PLXDC2: variants seen among roughly 807,000 people sequenced by gnomAD.
PLXDC2 encodes the protein plexin domain containing 2.
In PLXDC2, 40 loss-of-function variants were observed where a neutral mutation model predicts 68.9. That is an observed-to-expected ratio of 0.58 (90% CI 0.45 to 0.76). The LOEUF (loss-of-function observed/expected upper bound fraction) is 0.76, where lower values mean the gene tolerates loss of function less well. Ranked by LOEUF, PLXDC2 falls within the 30% of genes least tolerant of loss-of-function variation. PLXDC2 has a pLI of 0.00. For missense variants in PLXDC2, 644 were observed against 661.9 expected, an observed-to-expected ratio of 0.97 and a Z score of 0.30; for synonymous variants, 243 against 234.2, an observed-to-expected ratio of 1.04 and a Z score of -0.34.
At chr10:19,927,713 C>CAAAAAAAAAAAAAAAAAAAAAAAAA (rs35250324) in intron 1 of PLXDC2, among the ~76,000 whole-genome samples, 1 of 53,144 alleles carries the variant, frequency 1.9e-5, no homozygotes, top group African/African-American at 7.9e-5. Flanking sequence ...GGAAAAAAAG[C>CAAAAAAAAAAAAAAAAAAAAAAAAA]AAAAAAAAAA....
At chr10:19,883,043 G>A (rs12263975) in intron 1 of PLXDC2, among the ~76,000 whole-genome samples, 12,452 of 147,832 alleles carry the variant, frequency 0.084, 553 homozygotes, top group Middle Eastern at 0.2. Flanking sequence ...TACAAGCTCC[G>A]CCTCCCGGGT....
chr10:20,164,425 A>G, intron 6 of PLXDC2, 43 bp from the exon 7 acceptor site: 1 of 1,474,188 alleles, frequency 6.8e-7, no homozygotes, highest in Non-Finnish European at 9.5e-7. Flanking sequence ...CCCTGTATGA[A>G]ATTCAGATCT....
At chr10:20,046,018 CA>C (rs1246737389) in intron 2 of PLXDC2, among the ~76,000 whole-genome samples, 1 of 151,924 alleles carries the variant, frequency 6.6e-6, no homozygotes, top group Non-Finnish European at 1.5e-5. Context: ...AATGAGAATT[CA>C]AATAAAAGTA....
intron 4 of PLXDC2, among the ~76,000 whole-genome samples, chr10:20,108,623 A>G (rs576620822): frequency 6.6e-6 from 1 of 152,308 alleles, no homozygotes; most frequent in East Asian, 1.9e-4. Context: ...CTTCGCCAGT[A>G]CTTGAAAAGG....
At position 19,840,532 on chromosome 10, in the gene PLXDC2, C is replaced by T. The variant is rs74791346; in HGVS notation, c.112+23341C>T. On this transcript the variant is annotated intron_variant, in intron 1 of 13. Coordinates refer to ENST00000377252, the MANE Select transcript of PLXDC2 (RefSeq NM_032812.9). Reference sequence around the variant, plus strand: ...TTTATCATTAAAAACTAAGTAAGCTCACAGTTCCAAGACAGAGTACATTGA... The same window carrying T: ...TTTATCATTAAAAACTAAGTAAGCTTACAGTTCCAAGACAGAGTACATTGA... 2.5e-3 allele frequency among the ~76,000 whole-genome samples: 374 copies of T among 152,206 alleles called. 9 individuals are homozygous for T. The East Asian group carries it at 0.053, about 22-fold the overall frequency.
chr10:20,114,253 A>G (rs543791145), intron 4 of PLXDC2, among the ~76,000 whole-genome samples: 2 of 152,298 alleles, frequency 1.3e-5, no homozygotes, highest in African/African-American at 4.8e-5. Context: ...ATAGCCTTCC[A>G]CCATCTGACC....
intron 4 of PLXDC2, among the ~76,000 whole-genome samples, chr10:20,069,258 C>T (rs1477089127): frequency 6.6e-6 from 1 of 152,110 alleles, no homozygotes; most frequent in Non-Finnish European, 1.5e-5. Context: ...GTTTTTTGAG[C>T]ACCAACTCTG....
chr10:20,121,128 A>G (rs983133809), intron 4 of PLXDC2, among the ~76,000 whole-genome samples: 6 of 152,224 alleles, frequency 3.9e-5, no homozygotes, highest in African/African-American at 1.2e-4. Context: ...TGGGGAGCAG[A>G]AAGTATATGT....
intron 1 of PLXDC2, among the ~76,000 whole-genome samples, chr10:19,932,385 A>G (rs1359618503): frequency 6.6e-6 from 1 of 152,050 alleles, no homozygotes; most frequent in Non-Finnish European, 1.5e-5. Context: ...TCTATATACC[A>G]GGACCATTCA....
Position 20,283,302 on chromosome 10 carries a change from A to T in PLXDC2, c.*3483A>T, listed in dbSNP as rs1035473219. ...GAGTCTCAATTTGCAATTTTGGAAA[A>T]GAAAAACAATTTTTGTCCTGTCTTT... On this transcript the variant is annotated 3_prime_UTR_variant, in exon 14 of 14. Coordinates refer to ENST00000377252, the MANE Select transcript of PLXDC2 (RefSeq NM_032812.9). 1 of 152,220 alleles carries T rather than the reference A, an allele frequency of 6.6e-6. No homozygotes were observed. Among genetic ancestry groups the T allele is most frequent in the African/African-American group, 2.4e-5 (1 of 41,454 alleles). The allele number at this position is 152,220 out of a possible 1,614,324, so 9.4% of individuals were successfully genotyped here.
At position 20,226,132 on chromosome 10, in the gene PLXDC2, C is replaced by A. The variant is rs149014636; in HGVS notation, c.1312+7030C>A. Among the ~76,000 whole-genome samples the A allele has an allele frequency of 3.8e-3, 575 of 152,300 alleles. 1 individual carries two copies. Among genetic ancestry groups the A allele is most frequent in the African/African-American group, 0.013 (533 of 41,570 alleles). ...ATTGGTCCTCACCTATACTTCCTGG[C>A]TTTCCTGAAACAGTATTTTAATTGG... On this transcript the variant is annotated intron_variant, in intron 12 of 13. Transcript: ENST00000377252.
chr10:20,008,623 G>A (rs886866277), intron 2 of PLXDC2, among the ~76,000 whole-genome samples: 6 of 152,272 alleles, frequency 3.9e-5, no homozygotes, highest in African/African-American at 1.4e-4. Context: ...ATTTTGTAAT[G>A]TTGATGTGGA....
chr10:19,944,106 G>A (rs1444746115), intron 1 of PLXDC2, among the ~76,000 whole-genome samples: 2 of 152,148 alleles, frequency 1.3e-5, no homozygotes, highest in Non-Finnish European at 2.9e-5. Context: ...TCATGAACCT[G>A]AAATCACTTT....
At chr10:20,233,726 T>C (rs904842456) in intron 12 of PLXDC2, among the ~76,000 whole-genome samples, 5 of 152,076 alleles carry the variant, frequency 3.3e-5, no homozygotes, top group Non-Finnish European at 7.4e-5. Context: ...TCCAGTAGAG[T>C]ATATAGTCAC....
At chr10:20,267,532 CA>C (rs1165921295) in intron 13 of PLXDC2, among the ~76,000 whole-genome samples, 2 of 152,054 alleles carry the variant, frequency 1.3e-5, no homozygotes, top group African/African-American at 4.8e-5. Flanking sequence ...GAGCTAAAAC[CA>C]AATTTGCTGA....
chr10:20,115,710 G>C (rs957232660), intron 4 of PLXDC2, among the ~76,000 whole-genome samples: 9 of 152,028 alleles, frequency 5.9e-5, no homozygotes, highest in African/African-American at 2.2e-4. Flanking sequence ...TTTGTGAAAA[G>C]GTTAAAATAC....
At chr10:19,832,552 G>C (rs1312971313) in intron 1 of PLXDC2, among the ~76,000 whole-genome samples, 1 of 152,168 alleles carries the variant, frequency 6.6e-6, no homozygotes, top group African/African-American at 2.4e-5. Context: ...TCTTTGTAAA[G>C]TTCAATTTGC....
At chr10:19,964,939 C>T (rs549632359) in intron 1 of PLXDC2, among the ~76,000 whole-genome samples, 28 of 152,286 alleles carry the variant, frequency 1.8e-4, no homozygotes, top group African/African-American at 4.3e-4. Context: ...GCTTCCCTCA[C>T]GCCTTTGTAG....
intron 1 of PLXDC2, among the ~76,000 whole-genome samples, chr10:19,963,446 A>G (rs1415387180): frequency 6.6e-6 from 1 of 152,164 alleles, no homozygotes; most frequent in Non-Finnish European, 1.5e-5. Flanking sequence ...GCTATTGTGA[A>G]TAGTGCCACA....
Sources: allele counts gnomAD v4.1 joint callset (sites outside exome capture counted in the v4.1 genomes callset), GRCh38; gene constraint gnomAD v4.1.1; transcripts MANE v1.5; gene names NCBI Gene and HGNC (gene_info 2026-07-23, HGNC 2026-07-21).